The following RBFOX1 variants were observed in gnomAD, a reference collection of about 807,000 sequenced individuals.
RBFOX1 encodes RNA binding fox-1 homolog 1.
In RBFOX1, 8 loss-of-function variants were observed where a neutral mutation model predicts 57.7. The ratio of observed to expected loss-of-function variants is 0.14; its 90% CI spans 0.08 to 0.25. The LOEUF is 0.25. RBFOX1 is among the 10% of genes least tolerant of loss of function. The probability of loss-of-function intolerance (pLI) is 1.00; values close to 1 mark genes in which losing one functional copy is unlikely to be tolerated. For synonymous variants in RBFOX1, 326 were observed against 222.4 expected, an observed-to-expected ratio of 1.47 and a Z score of -4.15; for missense variants, 611 against 548.5, an observed-to-expected ratio of 1.11 and a Z score of -1.14.
chr16:6,097,264 C>G lies in RBFOX1; in HGVS notation c.-127+77272C>G, dbSNP rs1232626411. ...AACTTCTTTTTGTTTATAAATTACT[C>G]AGTCTCATGTATGTCTTTATCAGCA... On this transcript the variant is annotated intron_variant, in intron 1 of 15. Coordinates refer to ENST00000550418, the MANE Select transcript of RBFOX1 (RefSeq NM_018723.4). This position sits in a 1 kb window ranked among gnomAD's most constrained non-coding sequence, Gnocchi z 5.0. 6.6e-6 allele frequency among the ~76,000 whole-genome samples: 1 copy of G among 152,192 alleles called. No individual in the cohort carries two copies. The highest frequency in any genetic ancestry group is 1.5e-5 in the Non-Finnish European group (1 of 68,036).
At chr16:6,308,556 G>C (rs1001712134) in intron 1 of RBFOX1, among the ~76,000 whole-genome samples, 1 of 152,180 alleles carries the variant, frequency 6.6e-6, no homozygotes, top group Non-Finnish European at 1.5e-5. Flanking sequence ...TGCTCGTGTG[G>C]CTCTGAGTAG....
At chr16:7,153,024 A>AT (rs1295670639) in intron 4 of RBFOX1, among the ~76,000 whole-genome samples, 2 of 152,046 alleles carry the variant, frequency 1.3e-5, no homozygotes, top group Non-Finnish European at 2.9e-5. Context: ...ATTCTAATAT[A>AT]TTTTTTTGTT....
chr16:6,882,005 C>A (rs2131224), intron 3 of RBFOX1, among the ~76,000 whole-genome samples: 1 of 152,126 alleles, frequency 6.6e-6, no homozygotes, highest in African/African-American at 2.4e-5. Context: ...TTTAAAAAAA[C>A]TAAAATCACC....
intron 4 of RBFOX1, among the ~76,000 whole-genome samples, chr16:7,053,112 C>T (rs1301111519): frequency 2.0e-5 from 3 of 152,188 alleles, no homozygotes; most frequent in African/African-American, 7.2e-5. Context: ...ATGATAGTCT[C>T]ATGATGGCAA....
At chr16:6,307,471 A>G (rs1229943824) in intron 1 of RBFOX1, among the ~76,000 whole-genome samples, 1 of 150,980 alleles carries the variant, frequency 6.6e-6, no homozygotes, top group Non-Finnish European at 1.5e-5. Flanking sequence ...ATACTAAATT[A>G]TTTCTTTCTA....
chr16:6,380,357 C>G lies in RBFOX1; in HGVS notation c.-64+63300C>G, dbSNP rs576001676. ...AACACTGGAGGCTGAAGACCCCTCCCCAACTTATAATGATGCGTCTGTGAG... is the reference window on the plus strand; with the variant it reads ...AACACTGGAGGCTGAAGACCCCTCCGCAACTTATAATGATGCGTCTGTGAG... On this transcript the variant is annotated intron_variant, in intron 2 of 15. Coordinates refer to ENST00000550418, the MANE Select transcript of RBFOX1 (RefSeq NM_018723.4). 6.1e-5 allele frequency among the ~76,000 whole-genome samples: 9 copies of G among 147,174 alleles called. No individual in the cohort carries two copies. The East Asian group carries it at 1.8e-3, about 30-fold the overall frequency.
At chr16:6,706,470 G>A (rs1202630169) in intron 3 of RBFOX1, among the ~76,000 whole-genome samples, 2 of 152,162 alleles carry the variant, frequency 1.3e-5, no homozygotes, top group Non-Finnish European at 2.9e-5. Flanking sequence ...GCCCCTGTAG[G>A]ACAGCCTGAT....
chr16:6,188,402 T>C (rs2097120438), intron 1 of RBFOX1, among the ~76,000 whole-genome samples: 1 of 133,922 alleles, frequency 7.5e-6, no homozygotes, highest in African/African-American at 2.8e-5. Flanking sequence ...TCTGCTGTTA[T>C]TGATTTTGTT....
At chr16:7,066,490 C>G (rs117082276) in intron 4 of RBFOX1, among the ~76,000 whole-genome samples, 1 of 152,162 alleles carries the variant, frequency 6.6e-6, no homozygotes, top group Non-Finnish European at 1.5e-5. Context: ...AATGCCTCCC[C>G]TGGTTAGTTA....
At chr16:6,830,362 CT>C (rs199713729) in intron 3 of RBFOX1, among the ~76,000 whole-genome samples, 11 of 151,740 alleles carry the variant, frequency 7.2e-5, no homozygotes, top group East Asian at 3.9e-4. Context: ...AAATATTCCA[CT>C]TTTTTTTTCC....
chr16:6,977,746 C>A (rs1409085845), intron 3 of RBFOX1, among the ~76,000 whole-genome samples: 1 of 151,970 alleles, frequency 6.6e-6, no homozygotes, highest in Non-Finnish European at 1.5e-5. Flanking sequence ...TGAATAAAGG[C>A]CATTTCTCTG....
At chr16:7,345,272 C>A (rs999758811) in intron 4 of RBFOX1, among the ~76,000 whole-genome samples, 1 of 152,152 alleles carries the variant, frequency 6.6e-6, no homozygotes, top group Non-Finnish European at 1.5e-5. Flanking sequence ...ATTTCTCCCT[C>A]TACAGCTCTG....
chr16:6,831,032 T>C (rs1167983435), intron 3 of RBFOX1, among the ~76,000 whole-genome samples: 1 of 152,218 alleles, frequency 6.6e-6, no homozygotes, highest in African/African-American at 2.4e-5. Flanking sequence ...CTTTTCCCAA[T>C]TGATCTCACT....
At chr16:7,436,369 T>C (rs17745255) in intron 4 of RBFOX1, among the ~76,000 whole-genome samples, 47,832 of 152,112 alleles carry the variant, frequency 0.31, 8,103 homozygotes, top group South Asian at 0.41. Flanking sequence ...TGAACACATA[T>C]AGTGCGTGTC....
chr16:6,854,761 A>AT (rs1306818555), intron 3 of RBFOX1, among the ~76,000 whole-genome samples: 2 of 151,426 alleles, frequency 1.3e-5, no homozygotes, highest in Non-Finnish European at 2.9e-5. Flanking sequence ...CGCCCGGCTA[A>AT]TTTTTTGTAT....
At position 7,412,811 on chromosome 16, in the gene RBFOX1, G is replaced by A. The variant is rs550840005; in HGVS notation, c.28-105336G>A. ...TGATCCCAGAGCTCTGGGAGGCCGAGGCAGGCGGACTGCGAGGTCAGGAGA... is the reference window on the plus strand; with the variant it reads ...TGATCCCAGAGCTCTGGGAGGCCGAAGCAGGCGGACTGCGAGGTCAGGAGA... On this transcript the variant is annotated intron_variant, in intron 4 of 15. Transcript: ENST00000550418. 5.9e-5 allele frequency among the ~76,000 whole-genome samples: 9 copies of A among 152,298 alleles called. No homozygotes were observed. In the East Asian group the frequency reaches 1.8e-3, roughly 30 times the overall value.
At chr16:6,751,025 C>G (rs1447705522) in intron 3 of RBFOX1, among the ~76,000 whole-genome samples, 3 of 152,074 alleles carry the variant, frequency 2.0e-5, no homozygotes, top group Non-Finnish European at 2.9e-5. Context: ...ACAGCATGTT[C>G]AAGGGCCCTG....
chr16:7,608,508 C>T (rs1040025430), intron 10 of RBFOX1, among the ~76,000 whole-genome samples: 2 of 152,236 alleles, frequency 1.3e-5, no homozygotes, highest in Non-Finnish European at 2.9e-5. Context: ...GCTGTGTTCA[C>T]TCTTGTGGGG....
At chr16:7,593,213 A>T (rs1031959567) in intron 7 of RBFOX1, among the ~76,000 whole-genome samples, 4 of 152,158 alleles carry the variant, frequency 2.6e-5, no homozygotes, top group African/African-American at 9.6e-5. Context: ...ACATTTCTGG[A>T]CTCCAGTCTG....
Sources: gnomAD v4.1 joint callset for allele counts (sites outside exome capture counted in the v4.1 genomes callset) on GRCh38, gnomAD v4.1.1 for gene constraint, Gnocchi (gnomAD v3.1) non-coding constraint, MANE v1.5 for transcripts, NCBI Gene and HGNC (gene_info 2026-07-23, HGNC 2026-07-21) for gene names.